The following VTI1A variants were observed in gnomAD, a reference collection of about 807,000 sequenced individuals.
VTI1A encodes vesicle transport through interaction with t-SNAREs homolog 1A.
In VTI1A, 22 loss-of-function variants were observed where a neutral mutation model predicts 34.9. The observed-to-expected ratio is 0.63, with a 90% CI of 0.45 to 0.90. The LOEUF is 0.90. VTI1A is among the 40% of genes least tolerant of loss of function. The probability of loss-of-function intolerance (pLI) is 0.00; values close to 1 mark genes in which losing one functional copy is unlikely to be tolerated. For synonymous variants in VTI1A, 87 were observed against 97.3 expected, an observed-to-expected ratio of 0.89 and a Z score of 0.62; for missense variants, 268 against 275.6, an observed-to-expected ratio of 0.97 and a Z score of 0.20.
intron 7 of VTI1A, chr10:112,671,720 G>A (rs996650685): frequency 2.0e-5 from 3 of 149,660 alleles, no homozygotes; most frequent in Non-Finnish European, 3.0e-5. Flanking sequence ...CTGTAAAACT[G>A]ACCAAAAGGA....
chr10:112,700,468 ATCTT>A (rs1321224718), intron 7 of VTI1A, among the ~76,000 whole-genome samples: 1 of 152,136 alleles, frequency 6.6e-6, no homozygotes, highest in Admixed American at 6.5e-5. Context: ...CTAATCAATC[ATCTT>A]TCTTGATCTT....
At chr10:112,697,387 T>C (rs1451008137) in intron 7 of VTI1A, among the ~76,000 whole-genome samples, 1 of 141,668 alleles carries the variant, frequency 7.1e-6, no homozygotes, top group East Asian at 2.2e-4. Context: ...TTCTTTTCTT[T>C]TCTTTTCTTT....
At chr10:112,566,120 C>A (rs1411835518) in intron 5 of VTI1A, among the ~76,000 whole-genome samples, 1 of 151,956 alleles carries the variant, frequency 6.6e-6, no homozygotes, top group Non-Finnish European at 1.5e-5. Flanking sequence ...TAGCATTCTG[C>A]ATTAGAAATT....
intron 1 of VTI1A, among the ~76,000 whole-genome samples, chr10:112,453,613 T>G (rs985786987): frequency 6.6e-6 from 1 of 152,238 alleles, no homozygotes; most frequent in African/African-American, 2.4e-5. Flanking sequence ...TGGGAGCCTT[T>G]TTTTTAATTT....
intron 7 of VTI1A, among the ~76,000 whole-genome samples, chr10:112,765,947 G>A (rs1238609690): frequency 6.6e-6 from 1 of 152,166 alleles, no homozygotes; most frequent in Non-Finnish European, 1.5e-5. Context: ...AAGGCAGGTT[G>A]ATGAAAAAGT....
At chr10:112,848,185 CCTT>C in the VTI1A span, among the ~76,000 whole-genome samples, 1 of 152,214 alleles carries the variant, frequency 6.6e-6, no homozygotes, top group African/African-American at 2.4e-5. Flanking sequence ...CCAATCCCCT[CCTT>C]GTCAGTTGCT....
the VTI1A span, among the ~76,000 whole-genome samples, chr10:112,849,094 AGCCTTAG>A: frequency 2.6e-5 from 4 of 152,354 alleles, no homozygotes; most frequent in African/African-American, 9.6e-5. Flanking sequence ...GGCAGGAAGC[AGCCTTAG>A]AAGGCACAAG....
At chr10:112,591,488 C>T (rs1261967292) in intron 5 of VTI1A, among the ~76,000 whole-genome samples, 1 of 151,066 alleles carries the variant, frequency 6.6e-6, no homozygotes, top group East Asian at 1.9e-4. Context: ...CCACTGCACT[C>T]CAGCCTGGGT....
chr10:112,836,199 C>T, the VTI1A span, among the ~76,000 whole-genome samples: 2 of 152,192 alleles, frequency 1.3e-5, no homozygotes, highest in Non-Finnish European at 2.9e-5. Context: ...AATGCTTGGT[C>T]CTGTTCCCAG....
intron 7 of VTI1A, among the ~76,000 whole-genome samples, chr10:112,804,682 T>C (rs1368673083): frequency 3.3e-5 from 5 of 152,046 alleles, no homozygotes; most frequent in African/African-American, 1.2e-4. Flanking sequence ...CTGTCATTCA[T>C]TGATTGCTCA....
At chr10:112,685,763 C>T (rs1848381608) in intron 7 of VTI1A, among the ~76,000 whole-genome samples, 1 of 152,264 alleles carries the variant, frequency 6.6e-6, no homozygotes, top group Middle Eastern at 3.4e-3. Context: ...CTTGAATCTG[C>T]AAATGGAGAG....
intron 5 of VTI1A, among the ~76,000 whole-genome samples, chr10:112,632,002 A>G (rs76763495): frequency 0.052 from 7,845 of 152,288 alleles, 296 homozygotes; most frequent in Non-Finnish European, 0.079. Flanking sequence ...GGTAATTATA[A>G]CAATATAATT....
the VTI1A span, among the ~76,000 whole-genome samples, chr10:112,855,080 G>A: frequency 6.6e-6 from 1 of 152,224 alleles, no homozygotes; most frequent in African/African-American, 2.4e-5. Flanking sequence ...GAAGGAGCTG[G>A]AGAAGCTCCA....
At chr10:112,635,653 G>T (rs553156140) in intron 5 of VTI1A, among the ~76,000 whole-genome samples, 1 of 152,114 alleles carries the variant, frequency 6.6e-6, no homozygotes, top group African/African-American at 2.4e-5. Flanking sequence ...TTTGTGAGAG[G>T]TTACAACAGT....
At chr10:112,670,966 A>G (rs1847824450) in intron 7 of VTI1A, among the ~76,000 whole-genome samples, 1 of 152,196 alleles carries the variant, frequency 6.6e-6, no homozygotes, top group Non-Finnish European at 1.5e-5. Flanking sequence ...TTTTCAACCA[A>G]TGCCATAACG....
intron 5 of VTI1A, among the ~76,000 whole-genome samples, chr10:112,551,138 G>A (rs766127228): frequency 9.9e-5 from 15 of 151,654 alleles, no homozygotes; most frequent in African/African-American, 3.6e-4. Flanking sequence ...CAGCTACTCC[G>A]GAGGCTGAGG....
chr10:112,546,043 T>C (rs55831503), intron 5 of VTI1A, among the ~76,000 whole-genome samples: 44,424 of 141,442 alleles, frequency 0.31, 9,556 homozygotes, highest in Non-Finnish European at 0.47. Flanking sequence ...TATGTGTGTG[T>C]ATATACGTGT....
rs922728316 is a variant in VTI1A, at chr10:112,447,251, C to T, written c.-123C>T. On this transcript the variant is annotated 5_prime_UTR_variant, in exon 1 of 8. Coordinates refer to ENST00000393077, the MANE Select transcript of VTI1A (RefSeq NM_145206.4). ...AAGCGGCTGGGTTGAGAGCTGTCCC[C>T]GGTTCTCCGTTCTGCTCTCGGGGGC... 8 of 1,028,828 alleles carry T rather than the reference C, an allele frequency of 7.8e-6. No individual in the cohort carries two copies. Among genetic ancestry groups the T allele is most frequent in the Admixed American group, 7.0e-5 (3 of 42,986 alleles). 63.7% of individuals were successfully genotyped at this position (1,028,828 alleles called of 1,614,324 possible).
chr10:112,570,360 GA>G (rs897024468), intron 5 of VTI1A, among the ~76,000 whole-genome samples: 6 of 149,440 alleles, frequency 4.0e-5, no homozygotes, highest in South Asian at 4.2e-4. Context: ...TTCTTATGGG[GA>G]AAAAAAAATT....
Sources: gnomAD v4.1 joint callset for allele counts (sites outside exome capture counted in the v4.1 genomes callset) on GRCh38, gnomAD v4.1.1 for gene constraint, MANE v1.5 for transcripts, NCBI Gene and HGNC (gene_info 2026-07-23, HGNC 2026-07-21) for gene names.